The following MIPOL1 variants were observed in gnomAD, a reference collection of about 807,000 sequenced individuals.
The protein encoded by MIPOL1 is mirror-image polydactyly gene 1 protein.
MIPOL1 carries 57 observed loss-of-function variants against 60.9 expected under a neutral mutation model. The observed-to-expected ratio is 0.94, with a 90% CI of 0.76 to 1.17. The LOEUF is 1.17. Ranked by LOEUF, MIPOL1 falls within the 50% of genes most tolerant of loss-of-function variation. The pLI, the probability that MIPOL1 is intolerant of heterozygous loss-of-function variation, is 0.00. For missense variants in MIPOL1, 551 were observed against 511.6 expected (o/e 1.08, Z -0.74); for synonymous variants, 179 against 168.8 (o/e 1.06, Z -0.47).
chr14:37,225,211 C>T (rs1969503798), intron 1 of MIPOL1, among the ~76,000 whole-genome samples: 1 of 152,140 alleles, frequency 6.6e-6, no homozygotes, highest in African/African-American at 2.4e-5. Flanking sequence ...TCAGTACTTA[C>T]ACCATTTTAG....
At chr14:37,274,808 AATT>A (rs2083529959) in intron 6 of MIPOL1, among the ~76,000 whole-genome samples, 1 of 151,308 alleles carries the variant, frequency 6.6e-6, no homozygotes, top group Non-Finnish European at 1.5e-5. Flanking sequence ...AATAAATAAT[AATT>A]ATGATGATAA....
At chr14:37,526,369 CTTTTTTTTTTT>C in intron 12 of MIPOL1, among the ~76,000 whole-genome samples, 1 of 128,172 alleles carries the variant, frequency 7.8e-6, no homozygotes, top group Non-Finnish European at 1.7e-5. Context: ...TACTTCTTTT[CTTTTTTTTTTT>C]TTTTTTTGAG....
At chr14:37,288,561 T>C (rs2084786080) in intron 7 of MIPOL1, among the ~76,000 whole-genome samples, 1 of 152,094 alleles carries the variant, frequency 6.6e-6, no homozygotes, top group Non-Finnish European at 1.5e-5. Flanking sequence ...CTCAACACTT[T>C]GAGAGACTGA....
chr14:37,336,623 T>C (rs1334562946), intron 9 of MIPOL1, among the ~76,000 whole-genome samples: 14 of 151,964 alleles, frequency 9.2e-5, no homozygotes, highest in Non-Finnish European at 1.8e-4. Context: ...TTAATCACAA[T>C]CGTTTTAAAT....
chr14:37,252,544 TAATG>T (rs1429476685), intron 3 of MIPOL1, among the ~76,000 whole-genome samples: 1 of 151,930 alleles, frequency 6.6e-6, no homozygotes, highest in Non-Finnish European at 1.5e-5. Flanking sequence ...AAATGAAACT[TAATG>T]AAAGGTAACT....
intron 10 of MIPOL1, among the ~76,000 whole-genome samples, chr14:37,412,881 G>A (rs1384326525): frequency 6.6e-6 from 1 of 152,048 alleles, no homozygotes; most frequent in Non-Finnish European, 1.5e-5. Flanking sequence ...CTGGAGTGGG[G>A]AAGATAATCA....
chr14:37,471,466 G>A (rs2094688099), intron 11 of MIPOL1, among the ~76,000 whole-genome samples: 3 of 152,134 alleles, frequency 2.0e-5, no homozygotes, highest in Admixed American at 2.0e-4. Flanking sequence ...AGGAGGGTGA[G>A]GTGAGGCTTA....
At chr14:37,502,205 A>T (rs1010877830) in intron 12 of MIPOL1, 1 of 152,334 alleles carries the variant, frequency 6.6e-6, no homozygotes, top group Non-Finnish European at 1.5e-5. Flanking sequence ...ACTTCTGCAG[A>T]CTTAAACGTC....
intron 10 of MIPOL1, among the ~76,000 whole-genome samples, chr14:37,375,806 C>T (rs1397184397): frequency 6.6e-6 from 1 of 151,888 alleles, no homozygotes; most frequent in African/African-American, 2.4e-5. Context: ...AGGCTGATCT[C>T]AAACTCTTGG....
intron 11 of MIPOL1, among the ~76,000 whole-genome samples, chr14:37,463,670 A>G (rs2094565880): frequency 6.6e-6 from 1 of 152,196 alleles, no homozygotes; most frequent in African/African-American, 2.4e-5. Context: ...AGTAAAACTC[A>G]GAAAAACTCT....
At chr14:37,425,537 AG>A (rs1325892571) in intron 11 of MIPOL1, among the ~76,000 whole-genome samples, 1 of 152,178 alleles carries the variant, frequency 6.6e-6, no homozygotes, top group African/African-American at 2.4e-5. Context: ...GCAATTAGAC[AG>A]CCATGACATG....
intron 9 of MIPOL1, among the ~76,000 whole-genome samples, chr14:37,347,722 G>A (rs1211873834): frequency 1.3e-5 from 2 of 152,132 alleles, no homozygotes; most frequent in African/African-American, 2.4e-5. Context: ...AGGAATTACT[G>A]TGAAACTCAT....
chr14:37,359,910 G>C lies in MIPOL1; in HGVS notation c.829-9607G>C, dbSNP rs1457243856. Among the ~76,000 whole-genome samples, 4 of 152,140 alleles carry C rather than the reference G, an allele frequency of 2.6e-5. No individual in the cohort carries two copies. In the East Asian group the frequency reaches 7.7e-4, roughly 29 times the overall value. ...CTTGTCTTGTGCCGGTTTTCAAAGGGAATGCTTCCAGTTTTTTCCCATTCA... is the reference window on the plus strand; with the variant it reads ...CTTGTCTTGTGCCGGTTTTCAAAGGCAATGCTTCCAGTTTTTTCCCATTCA... On this transcript the variant is annotated intron_variant, in intron 9 of 12. Transcript: ENST00000684589.
chr14:37,463,595 T>TAC (rs1406758616), intron 11 of MIPOL1, among the ~76,000 whole-genome samples: 1 of 152,152 alleles, frequency 6.6e-6, no homozygotes, highest in African/African-American at 2.4e-5. Flanking sequence ...TCTCACCATA[T>TAC]ACAGGAATTA....
intron 3 of MIPOL1, among the ~76,000 whole-genome samples, chr14:37,248,979 T>A (rs1594729531): frequency 8.0e-6 from 1 of 125,764 alleles, no homozygotes; most frequent in Non-Finnish European, 1.6e-5. Context: ...AATGGAAGGA[T>A]GGATGGATGG....
chr14:37,402,822 T>C (rs2093511071), intron 10 of MIPOL1, among the ~76,000 whole-genome samples: 1 of 152,200 alleles, frequency 6.6e-6, no homozygotes, highest in Non-Finnish European at 1.5e-5. Context: ...GCTTAGGAAC[T>C]GTGACTTTGA....
intron 1 of MIPOL1, among the ~76,000 whole-genome samples, chr14:37,204,083 C>T (rs2139149328): frequency 6.6e-6 from 1 of 152,012 alleles, no homozygotes; most frequent in African/African-American, 2.4e-5. Context: ...CGCCCAGCCC[C>T]CTCAGGGATA....
chr14:37,222,590 A>G (rs889614293), intron 1 of MIPOL1, among the ~76,000 whole-genome samples: 2 of 152,108 alleles, frequency 1.3e-5, no homozygotes, highest in Non-Finnish European at 2.9e-5. Flanking sequence ...CAACTTTATA[A>G]CAAGGATTGC....
intron 1 of MIPOL1, among the ~76,000 whole-genome samples, chr14:37,233,540 G>A (rs966021307): frequency 6.6e-5 from 10 of 152,148 alleles, no homozygotes; most frequent in Non-Finnish European, 1.3e-4. Context: ...ATTTAACCAT[G>A]TCAGTGCGGT....
Sources: gnomAD v4.1 joint callset for allele counts (sites outside exome capture counted in the v4.1 genomes callset) on GRCh38, gnomAD v4.1.1 for gene constraint, MANE v1.5 for transcripts, NCBI Gene and HGNC (gene_info 2026-07-23, HGNC 2026-07-21) for gene names.